The following DHTKD1 variants were observed in gnomAD, a reference collection of about 807,000 sequenced individuals.
DHTKD1 encodes the protein dehydrogenase E1 and transketolase domain containing 1, also known as 2-oxoadipate dehydrogenase complex component E1.
Under a neutral mutation model 101.8 loss-of-function variants are expected in DHTKD1, and 78 were observed. The observed-to-expected ratio is 0.77, with a 90% CI of 0.64 to 0.93. DHTKD1 has a LOEUF of 0.93. Among genes scored for constraint, DHTKD1 ranks in the 40% least tolerant of loss-of-function variants. The pLI, the probability that DHTKD1 is intolerant of heterozygous loss-of-function variation, is 0.00. For synonymous variants in DHTKD1, 462 were observed against 450.3 expected, an observed-to-expected ratio of 1.03 and a Z score of -0.33; for missense variants, 1,223 against 1,161.7, an observed-to-expected ratio of 1.05 and a Z score of -0.77.
At chr10:12,106,492 G>A in intron 11 of DHTKD1, 96 bp downstream of exon 11, 1 of 1,499,634 alleles carries the variant, frequency 6.7e-7, no homozygotes, top group East Asian at 2.3e-5. Context: ...CTGCTGCCTT[G>A]AGACTCCCGT....
At chr10:12,088,927 T>C in intron 4 of DHTKD1, 59 bp from the exon 5 acceptor site, 1 of 1,478,962 alleles carries the variant, frequency 6.8e-7, no homozygotes, top group South Asian at 1.3e-5. Flanking sequence ...TCAGCACTTC[T>C]TCCCTAGACT....
At chr10:12,106,425 G>A in intron 11 of DHTKD1, 29 bp downstream of exon 11, 1 of 1,610,780 alleles carries the variant, frequency 6.2e-7, no homozygotes, top group Non-Finnish European at 8.5e-7. Flanking sequence ...GGTGGGTACA[G>A]GTGGGGGTCC....
intron 4 of DHTKD1, among the ~76,000 whole-genome samples, chr10:12,088,408 G>T (rs2131357851): frequency 6.6e-6 from 1 of 151,932 alleles, no homozygotes; most frequent in East Asian, 2.0e-4. Flanking sequence ...GGAGATGGAG[G>T]CTGCAGTGAG....
Position 12,113,056 on chromosome 10 carries a change from A to C in DHTKD1, c.2311A>C (p.Arg771=). The change falls in exon 13 of 17, where the codon AGG becomes CGG. Residue 771 remains arginine (R), a synonymous_variant. Transcript: ENST00000263035. ...TGTTGCTTCCCCTAAGATGTTACTC[A>C]GGCTCCCGGTAAGCAGAAGGTGGTG... The part of the protein sequence containing the change: ...LIVASPKMLL[R]LPAAVSTLQE... The C allele has an allele frequency of 6.2e-7, 1 of 1,606,478 alleles. No homozygotes were observed.
chr10:12,074,288 C>T (rs988732933), intron 1 of DHTKD1, among the ~76,000 whole-genome samples: 4 of 152,158 alleles, frequency 2.6e-5, no homozygotes, highest in Non-Finnish European at 5.9e-5. Context: ...TCAAGTGATC[C>T]TGCCACCTCA....
In DHTKD1 at chr10:12,089,059, A is replaced by G. The variant is rs753304961; in HGVS notation, c.791A>G (p.His264Arg). The change falls in exon 5 of 17, where the codon CAC becomes CGC. Residue 264 changes from histidine (H) to arginine (R), a missense_variant. His to Arg is a conservative substitution (Grantham distance 29). Coordinates refer to ENST00000263035, the MANE Select transcript of DHTKD1 (RefSeq NM_018706.7). ...NFSATGDVLS[H>R]LTSSVDLYFG... ...TCAGCCACTGGAGACGTCCTGTCTCACCTGACCTCCTCTGTGGACCTGTAC... is the reference window on the plus strand; with the variant it reads ...TCAGCCACTGGAGACGTCCTGTCTCGCCTGACCTCCTCTGTGGACCTGTAC... The G allele has an allele frequency of 3.9e-5, 63 of 1,613,946 alleles. No individual in the cohort carries two copies. The highest frequency in any genetic ancestry group is 1.7e-6 in the Non-Finnish European group (2 of 1,179,950).
In DHTKD1 at chr10:12,110,303, A is replaced by G. The variant is rs944440990; in HGVS notation, c.2154+2288A>G. On this transcript the variant is annotated intron_variant, in intron 12 of 16. Transcript: ENST00000263035. This position sits in a 1 kb window ranked among gnomAD's most constrained non-coding sequence, Gnocchi z 4.9. The stretch of plus-strand genomic sequence containing the variant: ...CAGAGCGAGACTCTGTCTCCAGAAA[A>G]AAGAATGTGGTCCAATACAAATTCA... Among the ~76,000 whole-genome samples the G allele has an allele frequency of 2.6e-5, 4 of 152,084 alleles. No homozygotes were observed. The highest frequency in any genetic ancestry group is 5.9e-5 in the Non-Finnish European group (4 of 68,018).
At chr10:12,088,300 A>G (rs895497962) in intron 4 of DHTKD1, among the ~76,000 whole-genome samples, 6 of 151,888 alleles carry the variant, frequency 4.0e-5, no homozygotes, top group Admixed American at 2.6e-4. Flanking sequence ...ACAAAAATAA[A>G]AATTAGGTGG....
Position 12,097,816 on chromosome 10 carries a change from C to G in DHTKD1, c.1491C>G (p.His497Gln). ...KLNDHLNNMA[H>Q]YRPPALNLQA... is the part of the protein sequence containing the mutation. Reference sequence around the variant, plus strand: ...ATGATCACTTAAATAACATGGCCCACTACAGGCCCCCTGCCCTGAACCTGC... The same window carrying G: ...ATGATCACTTAAATAACATGGCCCAGTACAGGCCCCCTGCCCTGAACCTGC... Residue 497 changes from histidine (H) to glutamine (Q), a missense_variant, in exon 8 of 17, where the codon CAC (histidine) becomes CAG (glutamine). Coordinates refer to ENST00000263035, the MANE Select transcript of DHTKD1 (RefSeq NM_018706.7). The G allele has an allele frequency of 6.2e-7, 1 of 1,614,224 alleles. No individual in the cohort carries two copies. Among genetic ancestry groups the G allele is most frequent in the Non-Finnish European group, 8.5e-7 (1 of 1,180,044 alleles).
chr10:12,071,179 A>G (rs1232749941), intron 1 of DHTKD1, among the ~76,000 whole-genome samples: 2 of 152,180 alleles, frequency 1.3e-5, no homozygotes, highest in East Asian at 3.8e-4. Context: ...GAGAAGGGAT[A>G]TCTTCTTTCC....
chr10:12,106,138 G>A (rs750662643), intron 10 of DHTKD1, 108 bp from the exon 11 acceptor site: 32 of 1,146,796 alleles, frequency 2.8e-5, no homozygotes, highest in Non-Finnish European at 3.7e-5. Flanking sequence ...GGTGATGAAC[G>A]AGAGCAAGGC....
chr10:12,092,601 C>T (rs370856326), intron 6 of DHTKD1, among the ~76,000 whole-genome samples: 14 of 151,812 alleles, frequency 9.2e-5, no homozygotes, highest in African/African-American at 2.9e-4. Flanking sequence ...CTTGGGAGTT[C>T]GAGACCAGCC....
Position 12,089,035 on chromosome 10 carries a change from C to G in DHTKD1, c.767C>G (p.Ser256Ter), listed in dbSNP as rs1484737567. ...RGLSEFPENF[S>*]ATGDVLSHLT... is the part of the protein sequence containing the mutation. Reference sequence around the variant, plus strand: ...TTAAGTGAATTTCCAGAGAATTTCTCAGCCACTGGAGACGTCCTGTCTCAC... The same window carrying G: ...TTAAGTGAATTTCCAGAGAATTTCTGAGCCACTGGAGACGTCCTGTCTCAC... Residue 256 changes from serine to a stop codon, truncating the protein, a stop_gained, in exon 5 of 17, where the codon TCA becomes TGA. Coordinates refer to ENST00000263035, the MANE Select transcript of DHTKD1 (RefSeq NM_018706.7). LOFTEE classifies it high-confidence loss of function. 1.2e-6 allele frequency: 2 copies of G among 1,613,826 alleles called. No individual in the cohort carries two copies. Among genetic ancestry groups the G allele is most frequent in the African/African-American group, 2.7e-5 (2 of 74,932 alleles).
At chr10:12,112,007 T>C (rs1263168672) in intron 12 of DHTKD1, among the ~76,000 whole-genome samples, 1 of 151,896 alleles carries the variant, frequency 6.6e-6, no homozygotes, top group Admixed American at 6.6e-5. Flanking sequence ...CAAGGGTGTA[T>C]GCAAAAAGAA....
intron 7 of DHTKD1, 22 bp from the exon 8 acceptor site, chr10:12,097,661 TG>T (rs1167735745): frequency 6.3e-7 from 1 of 1,583,866 alleles, no homozygotes; most frequent in Non-Finnish European, 8.6e-7. Flanking sequence ...GACTGATTTT[TG>T]TTTCTTCTCT....
In DHTKD1 at chr10:12,087,091, G is replaced by A. The variant is rs534931074; in HGVS notation, c.523-444G>A. Among the ~76,000 whole-genome samples the A allele has an allele frequency of 6.6e-6, 1 of 152,288 alleles. No homozygotes were observed. The highest frequency in any genetic ancestry group is 6.5e-5 in the Admixed American group (1 of 15,272). On this transcript the variant is annotated intron_variant, in intron 3 of 16. Transcript: ENST00000263035. The surrounding 1 kb of genome is among the most constrained non-coding windows in gnomAD (Gnocchi z 5.2). Reference sequence around the variant, plus strand: ...AGGCTCAGTACAAATGAATGGAACTGAACCTCTGCTGGGGCTGTGACCAGG... The same window carrying A: ...AGGCTCAGTACAAATGAATGGAACTAAACCTCTGCTGGGGCTGTGACCAGG...
chr10:12,118,947 A>G (rs2131629108), intron 15 of DHTKD1, 29 bp downstream of exon 15: 1 of 1,471,944 alleles, frequency 6.8e-7, no homozygotes, highest in Non-Finnish European at 9.1e-7. Context: ...TTGGGTTTTG[A>G]TGTTCAGATA....
rs1474587641 is a variant in DHTKD1 at position 12,120,227 on chromosome 10, C to T, written c.2618C>T (p.Ser873Leu). The T allele has an allele frequency of 1.9e-6, 3 of 1,613,726 alleles. No individual in the cohort carries two copies. The highest frequency in any genetic ancestry group is 2.5e-6 in the Non-Finnish European group (3 of 1,179,886). Residue 873 changes from serine to leucine, a missense_variant, in exon 16 of 17, where the codon TCG (serine) becomes TTG (leucine). Physicochemically the swap from Ser to Leu is moderately radical, Grantham distance 145. Coordinates refer to ENST00000263035, the MANE Select transcript of DHTKD1 (RefSeq NM_018706.7). ...QEEPQNMGPW[S>L]FVSPRFEKQL... ...GAACCTCAGAACATGGGTCCGTGGT[C>T]GTTTGTTTCTCCAAGGTTTGAAAAG...
Position 12,081,502 on chromosome 10 carries a change from T to TA in DHTKD1, c.186dup (p.Tyr63IlefsTer3), listed in dbSNP as rs1383399355. 4 of 1,614,010 alleles carry TA rather than the reference T, an allele frequency of 2.5e-6. No individual in the cohort carries two copies. The highest frequency in any genetic ancestry group is 3.4e-6 in the Non-Finnish European group (4 of 1,180,022). ...CATGGCCTTGCCAGGTTGGTGACAG[T>TA]ATATTGTGAGCATGGTCATAAAGCT... is the stretch of plus-strand genomic sequence containing the variant. On this transcript the variant is annotated frameshift_variant, in exon 2 of 17. Coordinates refer to ENST00000263035, the MANE Select transcript of DHTKD1 (RefSeq NM_018706.7). LOFTEE classifies it high-confidence loss of function.
Sources: gnomAD v4.1 joint callset for allele counts (sites outside exome capture counted in the v4.1 genomes callset) on GRCh38, gnomAD v4.1.1 for gene constraint, Gnocchi (gnomAD v3.1) non-coding constraint, MANE v1.5 for transcripts, NCBI Gene and HGNC (gene_info 2026-07-23, HGNC 2026-07-21) for gene names.